Variants in ULK4 observed in about 807,000 individuals in gnomAD.
ULK4 encodes the protein unc-51 like kinase 4, also known as inactive serine/threonine-protein kinase ULK4.
ULK4 carries 133 observed loss-of-function variants against 160.6 expected under a neutral mutation model. That is an observed-to-expected ratio of 0.83 (90% CI 0.72 to 0.96). The LOEUF is 0.96. Ranked by LOEUF, ULK4 falls within the 40% of genes least tolerant of loss-of-function variation. ULK4 has a pLI of 0.00. For synonymous variants in ULK4, 534 were observed against 539.8 expected (o/e 0.99, Z 0.15); for missense variants, 1,580 against 1,499.5 (o/e 1.05, Z -0.89).
intron 34 of ULK4, among the ~76,000 whole-genome samples, chr3:41,446,561 T>C (rs1559608324): frequency 6.6e-6 from 1 of 151,814 alleles, no homozygotes; most frequent in South Asian, 2.1e-4. Context: ...AAAGGATGAG[T>C]TCATGTCCTT....
intron 35 of ULK4, among the ~76,000 whole-genome samples, chr3:41,315,381 T>C (rs960441860): frequency 3.3e-5 from 5 of 152,202 alleles, no homozygotes; most frequent in African/African-American, 9.7e-5. Flanking sequence ...TGTCAGTAGT[T>C]ACTCTTTTGA....
intron 17 of ULK4, among the ~76,000 whole-genome samples, chr3:41,838,963 C>T (rs1177446645): frequency 6.6e-6 from 1 of 152,124 alleles, no homozygotes; most frequent in East Asian, 1.9e-4. Flanking sequence ...GGGTACAAAC[C>T]TTCAGTTAGA....
intron 17 of ULK4, among the ~76,000 whole-genome samples, chr3:41,848,337 A>AT (rs2042121936): frequency 6.6e-6 from 1 of 152,156 alleles, no homozygotes; most frequent in Non-Finnish European, 1.5e-5. Flanking sequence ...AACTTCCTGG[A>AT]TTTTTTTAAT....
chr3:41,572,130 G>A (rs2125613711), intron 31 of ULK4, among the ~76,000 whole-genome samples: 1 of 152,338 alleles, frequency 6.6e-6, no homozygotes, highest in Admixed American at 6.5e-5. Flanking sequence ...AGTGTAACTT[G>A]CCAAACTCTT....
At chr3:41,660,094 AGCC>A (rs1212967447) in intron 30 of ULK4, among the ~76,000 whole-genome samples, 1 of 152,218 alleles carries the variant, frequency 6.6e-6, no homozygotes, top group Non-Finnish European at 1.5e-5. Context: ...GTTCGAGACC[AGCC>A]TGACCAACAT....
chr3:41,642,316 T>C (rs982630556), intron 30 of ULK4, among the ~76,000 whole-genome samples: 3 of 152,118 alleles, frequency 2.0e-5, no homozygotes, highest in Admixed American at 1.3e-4. Context: ...ATTAGGTATA[T>C]CTCCTAATGC....
chr3:41,520,046 C>T (rs908737318), intron 32 of ULK4, among the ~76,000 whole-genome samples: 17 of 152,096 alleles, frequency 1.1e-4, no homozygotes, highest in South Asian at 4.1e-4. Flanking sequence ...TTTTTAACTG[C>T]GGTAAAATAC....
intron 17 of ULK4, among the ~76,000 whole-genome samples, chr3:41,878,968 G>A (rs1031006843): frequency 6.6e-6 from 1 of 152,122 alleles, no homozygotes; most frequent in Non-Finnish European, 1.5e-5. Context: ...AGAAAGGAAA[G>A]GCAGGTGATA....
chr3:41,752,742 A>C (rs1422018376), intron 22 of ULK4, among the ~76,000 whole-genome samples: 1 of 152,224 alleles, frequency 6.6e-6, no homozygotes, highest in Non-Finnish European at 1.5e-5. Flanking sequence ...ATTAAAAATC[A>C]GCACTAAGAG....
intron 30 of ULK4, among the ~76,000 whole-genome samples, chr3:41,651,743 A>C (rs1216536332): frequency 6.6e-6 from 1 of 152,228 alleles, no homozygotes; most frequent in East Asian, 1.9e-4. Context: ...GCATTCCATT[A>C]ACAATGATGA....
At chr3:41,848,565 T>C (rs2042126712) in intron 17 of ULK4, among the ~76,000 whole-genome samples, 1 of 152,196 alleles carries the variant, frequency 6.6e-6, no homozygotes, top group Non-Finnish European at 1.5e-5. Context: ...TCCTACAGTC[T>C]GGTACAGTCA....
chr3:41,795,492 TATCAAACA>T (rs1209689679), intron 20 of ULK4, among the ~76,000 whole-genome samples: 1 of 152,160 alleles, frequency 6.6e-6, no homozygotes, highest in Non-Finnish European at 1.5e-5. Context: ...ACAGGCCTGG[TATCAAACA>T]GAGAGAGATA....
chr3:41,738,011 A>C (rs2038114491), intron 22 of ULK4, among the ~76,000 whole-genome samples: 1 of 151,964 alleles, frequency 6.6e-6, no homozygotes, highest in Non-Finnish European at 1.5e-5. Context: ...TCCCCTCTCT[A>C]GTAAGCCATA....
At position 41,626,841 on chromosome 3, in the gene ULK4, T is replaced by G. The variant is rs150609512; in HGVS notation, c.3072-11124A>C. ...GTGCCTGGCCAAAAGTACACTTGCTTTTGAGGTAAAGTCATAGCAGTGGCC... is the reference window on the plus strand; with the variant it reads ...GTGCCTGGCCAAAAGTACACTTGCTGTTGAGGTAAAGTCATAGCAGTGGCC... On this transcript the variant is annotated intron_variant, in intron 30 of 36. Coordinates refer to ENST00000301831, the MANE Select transcript of ULK4 (RefSeq NM_017886.4). Among the ~76,000 whole-genome samples the G allele has an allele frequency of 1.5e-3, 223 of 152,226 alleles. 1 individual carries two copies. Among genetic ancestry groups the G allele is most frequent in the Non-Finnish European group, 2.3e-3 (156 of 68,004 alleles).
intron 35 of ULK4, among the ~76,000 whole-genome samples, chr3:41,314,908 C>T (rs1283500099): frequency 6.6e-6 from 1 of 151,404 alleles, no homozygotes; most frequent in Non-Finnish European, 1.5e-5. Flanking sequence ...GGTCTTAGAC[C>T]CTTTATATTC....
intron 35 of ULK4, among the ~76,000 whole-genome samples, chr3:41,270,730 G>A (rs1370412037): frequency 6.6e-6 from 1 of 152,218 alleles, no homozygotes; most frequent in Admixed American, 6.5e-5. Flanking sequence ...TTTATACGAC[G>A]AGATCGTGGC....
intron 34 of ULK4, among the ~76,000 whole-genome samples, chr3:41,450,562 A>G (rs1226418374): frequency 6.6e-6 from 1 of 152,236 alleles, no homozygotes; most frequent in African/African-American, 2.4e-5. Flanking sequence ...TCAAAAGCTA[A>G]CAAGTTCATT....
intron 35 of ULK4, among the ~76,000 whole-genome samples, chr3:41,365,653 T>C (rs944060340): frequency 2.6e-5 from 4 of 152,202 alleles, no homozygotes; most frequent in African/African-American, 9.7e-5. Context: ...TCAGTGAAGA[T>C]AGGTTACTTG....
At chr3:41,733,030 T>C (rs1220704135) in intron 22 of ULK4, among the ~76,000 whole-genome samples, 1 of 152,168 alleles carries the variant, frequency 6.6e-6, no homozygotes, top group Non-Finnish European at 1.5e-5. Context: ...AGTTATCGTG[T>C]TCTATTGCAC....
Sources: allele counts gnomAD v4.1 joint callset (sites outside exome capture counted in the v4.1 genomes callset), GRCh38; gene constraint gnomAD v4.1.1; transcripts MANE v1.5; gene names NCBI Gene and HGNC (gene_info 2026-07-23, HGNC 2026-07-21).